TRPC5: variants seen among roughly 807,000 people sequenced by gnomAD.
TRPC5 encodes short transient receptor potential channel 5.
In TRPC5, 9 loss-of-function variants were observed where a neutral mutation model predicts 56.5. The ratio of observed to expected loss-of-function variants is 0.16; its 90% confidence interval spans 0.10 to 0.28. The LOEUF (loss-of-function observed/expected upper bound fraction) is 0.28, where lower values mean the gene tolerates loss of function less well. TRPC5 is among the 10% of genes least tolerant of loss of function. TRPC5 has a pLI of 1.00. For missense variants in TRPC5, 469 were observed against 748.9 expected (o/e 0.63, Z 4.36); for synonymous variants, 282 against 278.5 (o/e 1.01, Z -0.13).
chrX:112,027,148 T>C (rs1052387679), intron 1 of TRPC5, among the ~76,000 whole-genome samples: 12 of 111,970 alleles, frequency 1.1e-4, no homozygotes, highest in African/African-American at 3.9e-4. Context: ...AGCTCTATTC[T>C]TGGTAGTATT....
intron 1 of TRPC5, among the ~76,000 whole-genome samples, chrX:111,998,161 C>T (rs1928595483): frequency 9.0e-6 from 1 of 111,647 alleles, no homozygotes; most frequent in Admixed American, 9.6e-5. Context: ...TCCTGATGAC[C>T]TCAGTTTGAA....
At chrX:111,913,973 A>T (rs1180584339) in intron 2 of TRPC5, among the ~76,000 whole-genome samples, 4 of 109,057 alleles carry the variant, frequency 3.7e-5, no homozygotes, top group African/African-American at 1.3e-4. Flanking sequence ...AAAAAAAAAA[A>T]AAAAAAGTCT....
At chrX:111,797,109 G>A (rs1921124750) in intron 7 of TRPC5, among the ~76,000 whole-genome samples, 1 of 111,797 alleles carries the variant, frequency 8.9e-6, no homozygotes, top group Non-Finnish European at 1.9e-5. Flanking sequence ...TATCCTTTCA[G>A]GTATTCCATG....
At chrX:112,034,047 TA>T (rs1225240772) in intron 1 of TRPC5, among the ~76,000 whole-genome samples, 1 of 112,364 alleles carries the variant, frequency 8.9e-6, no homozygotes, top group Non-Finnish European at 1.9e-5. Context: ...AGTAAGTTTT[TA>T]AAAACAGAAA....
At chrX:111,966,985 T>C (rs1159257105) in intron 1 of TRPC5, among the ~76,000 whole-genome samples, 1 of 111,043 alleles carries the variant, frequency 9.0e-6, no homozygotes, top group Non-Finnish European at 1.9e-5. Flanking sequence ...CTAGGGCAAT[T>C]AGGCAGGAGA....
chrX:111,993,274 G>T (rs1263989874), intron 1 of TRPC5, among the ~76,000 whole-genome samples: 2 of 111,525 alleles, frequency 1.8e-5, no homozygotes. Context: ...GTGTATATGT[G>T]CCACATTTTC....
intron 9 of TRPC5, among the ~76,000 whole-genome samples, chrX:111,779,898 AT>A (rs997481833): frequency 1.5e-4 from 17 of 110,216 alleles, no homozygotes; most frequent in Non-Finnish European, 2.1e-4. Flanking sequence ...TGCAGGAATC[AT>A]TTTTTTTTGT....
At chrX:111,980,527 C>G (rs1190547714) in intron 1 of TRPC5, among the ~76,000 whole-genome samples, 1 of 111,237 alleles carries the variant, frequency 9.0e-6, no homozygotes, top group African/African-American at 3.3e-5. Context: ...TATTTGAATT[C>G]AGATTAATCA....
At chrX:111,938,439 A>T (rs780022346) in intron 2 of TRPC5, among the ~76,000 whole-genome samples, 1 of 110,131 alleles carries the variant, frequency 9.1e-6, no homozygotes, top group Admixed American at 9.7e-5. Context: ...TTCAAAGGGA[A>T]TGCTTCCAGT....
chrX:111,770,555 A>G lies in TRPC5; in HGVS notation c.*5758T>C, dbSNP rs1945837295. 8.9e-6 allele frequency among the ~76,000 whole-genome samples: 1 copy of G among 111,997 alleles called. No individual in the cohort carries two copies. The highest frequency in any genetic ancestry group is 3.2e-5 in the African/African-American group (1 of 30,833). ...TCATCTCAATTTGGCCATCCAAAAAACTGACAATTTGGTGGTTTAGCCCCG... is the reference window on the plus strand; with the variant it reads ...TCATCTCAATTTGGCCATCCAAAAAGCTGACAATTTGGTGGTTTAGCCCCG... On this transcript the variant is annotated 3_prime_UTR_variant, in exon 11 of 11. Transcript: ENST00000262839.
intron 2 of TRPC5, among the ~76,000 whole-genome samples, chrX:111,920,660 G>A (rs142039889): frequency 5.4e-5 from 6 of 111,350 alleles, no homozygotes; most frequent in East Asian, 2.8e-4. Context: ...TGTCCTGAGC[G>A]GGGGGTATTT....
In TRPC5 at chrX:111,844,147, A is replaced by G. The variant is rs1440260993; in HGVS notation, c.1700+2967T>C. ...GGAAGTGAAGATACGGAGAAAAGGA[A>G]TAAGGAATTTAGTTGTGGACATCCT... is the stretch of plus-strand genomic sequence containing the variant. On this transcript the variant is annotated intron_variant, in intron 6 of 10. Transcript: ENST00000262839. Among the ~76,000 whole-genome samples, 4 of 110,214 alleles carry G rather than the reference A, an allele frequency of 3.6e-5. No individual in the cohort carries two copies. The South Asian group carries it at 1.2e-3, about 33-fold the overall frequency.
intron 6 of TRPC5, among the ~76,000 whole-genome samples, chrX:111,844,460 C>CT (rs746423281): frequency 0.033 from 3,175 of 95,329 alleles, 129 homozygotes; most frequent in African/African-American, 0.1. Context: ...TTCTTTCTTT[C>CT]TTTTTTTTTT....
chrX:111,866,627 C>T (rs1367371074), intron 3 of TRPC5, among the ~76,000 whole-genome samples: 1 of 112,519 alleles, frequency 8.9e-6, no homozygotes, highest in Non-Finnish European at 1.9e-5. Context: ...CTCTTGGCCC[C>T]TCCTAGGAAT....
intron 1 of TRPC5, among the ~76,000 whole-genome samples, chrX:112,018,646 T>C (rs1929189936): frequency 8.9e-6 from 1 of 112,494 alleles, no homozygotes; most frequent in Non-Finnish European, 1.9e-5. Flanking sequence ...TATTAGTTTT[T>C]TATTGCGGCA....
chrX:112,048,804 T>C (rs754309497), intron 1 of TRPC5, among the ~76,000 whole-genome samples: 2 of 112,180 alleles, frequency 1.8e-5, no homozygotes, highest in African/African-American at 3.2e-5. Flanking sequence ...GTAATGAGCA[T>C]GGTTAACTCA....
chrX:112,042,957 A>G (rs1223643904), intron 1 of TRPC5, among the ~76,000 whole-genome samples: 1 of 111,664 alleles, frequency 9.0e-6, no homozygotes, highest in Non-Finnish European at 1.9e-5. Context: ...TATGCAAAAT[A>G]TATTCACCCT....
At chrX:111,829,563 T>G (rs1321658076) in intron 7 of TRPC5, among the ~76,000 whole-genome samples, 1 of 112,188 alleles carries the variant, frequency 8.9e-6, no homozygotes, top group Non-Finnish European at 1.9e-5. Flanking sequence ...AGGGACCACC[T>G]TGCTGTATGC....
chrX:111,888,838 A>G (rs778001968), intron 3 of TRPC5, among the ~76,000 whole-genome samples: 5 of 111,349 alleles, frequency 4.5e-5, no homozygotes, highest in African/African-American at 1.6e-4. Flanking sequence ...TCACAATGAC[A>G]AGTGATCAGA....
Sources: gnomAD v4.1 joint callset for allele counts (sites outside exome capture counted in the v4.1 genomes callset) on GRCh38, gnomAD v4.1.1 for gene constraint, MANE v1.5 for transcripts, NCBI Gene and HGNC (gene_info 2026-07-23, HGNC 2026-07-21) for gene names.